OXTR: variants seen among roughly 807,000 people sequenced by gnomAD.
OXTR encodes the protein oxytocin receptor.
OXTR carries 19 observed loss-of-function variants against 23.9 expected under a neutral mutation model. That is an observed-to-expected ratio of 0.80 (90% CI 0.56 to 1.17). The LOEUF is 1.17. OXTR is among the 50% of genes most tolerant of loss of function. The pLI is 0.00. For missense variants in OXTR, 500 were observed against 550.7 expected, an observed-to-expected ratio of 0.91 and a Z score of 0.92; for synonymous variants, 278 against 250.5, an observed-to-expected ratio of 1.11 and a Z score of -1.04.
At position 8,769,307 on chromosome 3, in the gene OXTR, G is replaced by T. The variant is rs1708712148; in HGVS notation, c.-315C>A. 6.6e-6 allele frequency: 1 copy of T among 152,376 alleles called. No individual in the cohort carries two copies. Among genetic ancestry groups the T allele is most frequent in the African/African-American group, 2.4e-5 (1 of 41,478 alleles). 9.4% of individuals were successfully genotyped at this position (152,376 alleles called of 1,614,324 possible). ...CACGGCGACTGACGGCCCCAGTGACGCGTGCGCTCCCGGCCCGAGTTGGGA... is the reference window on the plus strand; with the variant it reads ...CACGGCGACTGACGGCCCCAGTGACTCGTGCGCTCCCGGCCCGAGTTGGGA... On this transcript the variant is annotated 5_prime_UTR_variant, in exon 1 of 4. Coordinates refer to ENST00000316793, the MANE Select transcript of OXTR (RefSeq NM_000916.4).
chr3:8,752,902 C>T lies in OXTR; in HGVS notation c.*75G>A. 1 of 1,460,698 alleles carries T rather than the reference C, an allele frequency of 6.8e-7. No homozygotes were observed. The highest frequency in any genetic ancestry group is 1.4e-5 in the South Asian group (1 of 73,470). 90.5% of individuals were successfully genotyped at this position (1,460,698 alleles called of 1,614,324 possible). On this transcript the variant is annotated 3_prime_UTR_variant, in exon 4 of 4. Transcript: ENST00000316793. ...TAGGTACCTTATACACAAACATACG[C>T]CATCACCTAGGAGCAGAGCACTTAT...
intron 3 of OXTR, among the ~76,000 whole-genome samples, chr3:8,758,946 T>C (rs994293439): frequency 6.6e-6 from 1 of 152,220 alleles, no homozygotes; most frequent in Non-Finnish European, 1.5e-5. Flanking sequence ...AGGTCATATG[T>C]TAAAGCTTTG....
chr3:8,761,582 C>T, intron 3 of OXTR, among the ~76,000 whole-genome samples: 1 of 152,176 alleles, frequency 6.6e-6, no homozygotes, highest in East Asian at 1.9e-4. Context: ...CCATCACTTA[C>T]TCAGCAGTGA....
intron 3 of OXTR, among the ~76,000 whole-genome samples, chr3:8,759,671 G>A (rs1444261357): frequency 6.6e-6 from 1 of 152,258 alleles, no homozygotes; most frequent in Non-Finnish European, 1.5e-5. Flanking sequence ...GTCAGGTGGA[G>A]AGAAAGGGAG....
At chr3:8,744,258 T>C in the OXTR span, among the ~76,000 whole-genome samples, 923 of 151,854 alleles carry the variant, frequency 6.1e-3, 10 homozygotes, top group African/African-American at 0.021. Context: ...TTCACTGCTG[T>C]TTAATTGACC....
chr3:8,751,486 T>C lies in OXTR; in HGVS notation c.*1491A>G, dbSNP rs765057314. 1 of 152,228 alleles carries C rather than the reference T, an allele frequency of 6.6e-6. No individual in the cohort carries two copies. Among genetic ancestry groups the C allele is most frequent in the Non-Finnish European group, 1.5e-5 (1 of 68,042 alleles). The allele number at this position is 152,228 out of a possible 1,614,324, so 9.4% of individuals were successfully genotyped here. A position where few individuals can be genotyped will look rare whatever the true frequency, so the allele number is the denominator to read the frequency against. ...TCAAGGTTACAAAGATCTATGCCTA[T>C]GTTTCTTTCTAAGATTTTATAGTTT... On this transcript the variant is annotated 3_prime_UTR_variant, in exon 4 of 4. Transcript: ENST00000316793.
At chr3:8,753,910 A>C (rs2124995816) in intron 3 of OXTR, among the ~76,000 whole-genome samples, 1 of 152,306 alleles carries the variant, frequency 6.6e-6, no homozygotes, top group South Asian at 2.1e-4. Context: ...CTGGCCCCAC[A>C]AACGGGGCAT....
At chr3:8,744,755 G>C in the OXTR span, 1 of 152,162 alleles carries the variant, frequency 6.6e-6, no homozygotes, top group Non-Finnish European at 1.5e-5. Flanking sequence ...GCATACGACC[G>C]TCCAACACCC....
intron 3 of OXTR, among the ~76,000 whole-genome samples, chr3:8,753,612 A>G (rs1162153434): frequency 6.6e-6 from 1 of 152,178 alleles, no homozygotes; most frequent in African/African-American, 2.4e-5. Context: ...ACAGTACCCA[A>G]AAGCTGCCAC....
At position 8,752,689 on chromosome 3, in the gene OXTR, T is replaced by G; in HGVS notation, c.*288A>C. The G allele has an allele frequency of 5.4e-6, 2 of 369,610 alleles. No individual in the cohort carries two copies. Among genetic ancestry groups the G allele is most frequent in the South Asian group, 5.5e-5 (1 of 18,198 alleles). 22.9% of individuals were successfully genotyped at this position (369,610 alleles called of 1,614,324 possible). On this transcript the variant is annotated 3_prime_UTR_variant, in exon 4 of 4. Coordinates refer to ENST00000316793, the MANE Select transcript of OXTR (RefSeq NM_000916.4). Reference sequence around the variant, plus strand: ...ATGAAGAAGTAAAAATATACTGGAGTGAAATTACAAGTCCAGGAGAAAAAA... The same window carrying G: ...ATGAAGAAGTAAAAATATACTGGAGGGAAATTACAAGTCCAGGAGAAAAAA...
rs769535684 is a variant in OXTR at position 8,767,279 on chromosome 3, G to C, written c.909C>G (p.Asn303Lys). The C allele has an allele frequency of 6.4e-7, 1 of 1,552,130 alleles. No individual in the cohort carries two copies. Among genetic ancestry groups the C allele is most frequent in the Non-Finnish European group, 8.7e-7 (1 of 1,150,256 alleles). The change falls in exon 3 of 4, where the codon AAC (asparagine) becomes AAG (lysine). Residue 303 changes from asparagine (N) to lysine (K), a missense_variant. Physicochemically the swap from Asn to Lys is moderately conservative, Grantham distance 94. Coordinates refer to ENST00000316793, the MANE Select transcript of OXTR (RefSeq NM_000916.4). ...AGCCCTGGCTACCTTCCTTGGGCGC[G>C]TTGGCATCCCAGACGCTCCACATCT... The part of the protein sequence containing the change: ...FVQMWSVWDA[N>K]APKEASAFII...
In OXTR at chr3:8,750,771, C is replaced by G. The variant is rs1404833554; in HGVS notation, c.*2206G>C. The G allele has an allele frequency of 1.3e-5, 2 of 152,106 alleles. No homozygotes were observed. Among genetic ancestry groups the G allele is most frequent in the Non-Finnish European group, 2.9e-5 (2 of 68,028 alleles). 9.4% of individuals were successfully genotyped at this position (152,106 alleles called of 1,614,324 possible). ...GCGTGGACAGACCACATTTTATTTC[C>G]CATTCATCAGTTGGTAGACATTTGG... On this transcript the variant is annotated 3_prime_UTR_variant, in exon 4 of 4. Transcript: ENST00000316793.
At chr3:8,759,743 C>A (rs1708448037) in intron 3 of OXTR, among the ~76,000 whole-genome samples, 1 of 152,194 alleles carries the variant, frequency 6.6e-6, no homozygotes, top group Admixed American at 6.5e-5. Flanking sequence ...GGCAGAAGCC[C>A]ACAGTCTCAA....
intron 3 of OXTR, among the ~76,000 whole-genome samples, chr3:8,762,683 G>C (rs1287865569): frequency 6.6e-6 from 1 of 152,238 alleles, no homozygotes; most frequent in Non-Finnish European, 1.5e-5. Context: ...ACATGCCCGA[G>C]GATCCTCAGT....
At chr3:8,767,101 C>A (rs550982274) in intron 3 of OXTR, among the ~76,000 whole-genome samples, 165 bp downstream of exon 3, 2 of 152,264 alleles carry the variant, frequency 1.3e-5, no homozygotes, top group South Asian at 4.1e-4. Context: ...AGGTTAATTG[C>A]CCTAAGTCAC....
intron 3 of OXTR, among the ~76,000 whole-genome samples, chr3:8,762,641 C>A (rs1486952121): frequency 6.6e-6 from 1 of 152,196 alleles, no homozygotes; most frequent in African/African-American, 2.4e-5. Context: ...ACACCTCGGG[C>A]ACAGCATTCA....
the OXTR span, chr3:8,744,841 G>C: frequency 2.6e-5 from 4 of 152,510 alleles, no homozygotes; most frequent in Non-Finnish European, 5.9e-5. Context: ...CTTTAAGCAA[G>C]TCGCTCACCT....
chr3:8,749,299 C>T (rs537007999), downstream of OXTR, among the ~76,000 whole-genome samples: 1 of 152,302 alleles, frequency 6.6e-6, no homozygotes, highest in African/African-American at 2.4e-5. Flanking sequence ...CCCGCCAGAG[C>T]TTTCACACGA....
At chr3:8,765,046 A>G (rs542137188) in intron 3 of OXTR, among the ~76,000 whole-genome samples, 2 of 152,352 alleles carry the variant, frequency 1.3e-5, no homozygotes, top group South Asian at 2.1e-4. Flanking sequence ...TCTGGTCCCC[A>G]GGAAAATCCT....
Sources: gnomAD v4.1 joint callset for allele counts (sites outside exome capture counted in the v4.1 genomes callset) on GRCh38, gnomAD v4.1.1 for gene constraint, MANE v1.5 for transcripts, NCBI Gene and HGNC (gene_info 2026-07-23, HGNC 2026-07-21) for gene names.